TUT4: variants seen among roughly 807,000 people sequenced by gnomAD.
TUT4 encodes the protein terminal uridylyl transferase 4, also known as terminal uridylyltransferase 4.
Under a neutral mutation model 192.2 loss-of-function variants are expected in TUT4, and 36 were observed. The observed-to-expected ratio is 0.19, with a 90% CI of 0.14 to 0.25. The LOEUF (loss-of-function observed/expected upper bound fraction) is 0.25, where lower values mean the gene tolerates loss of function less well. Among genes scored for constraint, TUT4 ranks in the 10% least tolerant of loss-of-function variants. The probability of loss-of-function intolerance (pLI) is 1.00; values close to 1 mark genes in which losing one functional copy is unlikely to be tolerated. For synonymous variants in TUT4, 618 were observed against 666.0 expected (o/e 0.93, Z 1.11); for missense variants, 1,493 against 1,957.2 (o/e 0.76, Z 4.47).
intron 22 of TUT4, 122 bp downstream of exon 22, chr1:52,446,143 T>G: frequency 7.6e-7 from 1 of 1,321,398 alleles, no homozygotes. Flanking sequence ...AAATTACACA[T>G]TAAAGGAGGA....
At chr1:52,437,160 G>T in intron 25 of TUT4, 182 bp from the exon 26 acceptor site, 1 of 703,440 alleles carries the variant, frequency 1.4e-6, no homozygotes, top group Non-Finnish European at 2.2e-6. Flanking sequence ...TTTTCCAGTA[G>T]TTTTGTAAAA....
rs1481961088 is a variant in TUT4, at chr1:52,525,007, T to C, written c.718+556A>G. Reference sequence around the variant, plus strand: ...GTCTCACAATTTATATCACCTATTTTGTCTGCCCAAAGTCTAAATCTCACT... The same window carrying C: ...GTCTCACAATTTATATCACCTATTTCGTCTGCCCAAAGTCTAAATCTCACT... On this transcript the variant is annotated intron_variant, in intron 2 of 29. Transcript: ENST00000257177. 2.0e-5 allele frequency among the ~76,000 whole-genome samples: 3 copies of C among 152,214 alleles called. No homozygotes were observed. The East Asian group carries it at 5.8e-4, about 29-fold the overall frequency.
intron 1 of TUT4, among the ~76,000 whole-genome samples, chr1:52,551,582 A>G (rs1165333133): frequency 6.6e-6 from 1 of 152,260 alleles, no homozygotes; most frequent in Non-Finnish European, 1.5e-5. Flanking sequence ...TTTTTAAGAG[A>G]ATCAATATTT....
At chr1:52,528,721 A>AT (rs1682537060) in intron 1 of TUT4, among the ~76,000 whole-genome samples, 1 of 152,128 alleles carries the variant, frequency 6.6e-6, no homozygotes, top group African/African-American at 2.4e-5. Context: ...TCTCTATCAT[A>AT]TAACTTTACA....
At chr1:52,465,995 C>T (rs1396573584) in intron 15 of TUT4, among the ~76,000 whole-genome samples, 1 of 152,146 alleles carries the variant, frequency 6.6e-6, no homozygotes, top group Non-Finnish European at 1.5e-5. Context: ...ATACTCCCAC[C>T]TCAACCTCCC....
chr1:52,532,987 T>C (rs1683907519), intron 1 of TUT4, among the ~76,000 whole-genome samples: 2 of 152,182 alleles, frequency 1.3e-5, no homozygotes, highest in African/African-American at 4.8e-5. Context: ...CATGTTCTAA[T>C]CCAGACCAGT....
rs1655496644 is a variant in TUT4 at position 52,441,405 on chromosome 1, A to G, written c.3823-3070T>C. 2.0e-5 allele frequency among the ~76,000 whole-genome samples: 3 copies of G among 149,264 alleles called. No homozygotes were observed. In the Admixed American group the frequency reaches 2.0e-4, roughly 10 times the overall value. ...TTCAAGCGATTCTCCTGCCTCAGCC[A>G]AGCTGGGACTACAGGCGTGCACCAC... On this transcript the variant is annotated intron_variant, in intron 24 of 29. Transcript: ENST00000257177.
At chr1:52,455,671 G>C (rs577778831) in intron 20 of TUT4, among the ~76,000 whole-genome samples, 49 of 134,972 alleles carry the variant, frequency 3.6e-4, no homozygotes, top group African/African-American at 1.2e-3. Context: ...GGGAGGGGGG[G>C]AGAGGGAAGG....
intron 4 of TUT4, among the ~76,000 whole-genome samples, chr1:52,506,505 T>A (rs1440319091): frequency 1.3e-5 from 2 of 152,170 alleles, no homozygotes; most frequent in Admixed American, 1.3e-4. Context: ...TTTGTTTAAT[T>A]TTTTCTTTCT....
chr1:52,539,369 G>T (rs1020510509), intron 1 of TUT4, among the ~76,000 whole-genome samples: 1 of 149,520 alleles, frequency 6.7e-6, no homozygotes, highest in Non-Finnish European at 1.5e-5. Context: ...ATAAAGGGGT[G>T]ACCTACAGAT....
intron 24 of TUT4, among the ~76,000 whole-genome samples, chr1:52,440,028 ACATAT>A (rs1230611125): frequency 1.3e-5 from 2 of 152,246 alleles, no homozygotes; most frequent in Admixed American, 6.5e-5. Context: ...TCAAAATGTT[ACATAT>A]CATATGATTT....
intron 24 of TUT4, among the ~76,000 whole-genome samples, chr1:52,440,046 C>T (rs1300342217): frequency 6.6e-6 from 1 of 152,068 alleles, no homozygotes; most frequent in East Asian, 1.9e-4. Flanking sequence ...TATGATTTCA[C>T]TTATATGAAA....
intron 11 of TUT4, among the ~76,000 whole-genome samples, chr1:52,481,203 G>C (rs1668405281): frequency 1.3e-5 from 2 of 152,112 alleles, no homozygotes; most frequent in South Asian, 4.1e-4. Context: ...ATCTTGACAT[G>C]ATTCAAACAA....
At chr1:52,449,329 C>T (rs1207404814) in intron 20 of TUT4, among the ~76,000 whole-genome samples, 4 of 152,190 alleles carry the variant, frequency 2.6e-5, no homozygotes, top group Non-Finnish European at 5.9e-5. Flanking sequence ...GACAGAGTCT[C>T]GCTCTGTCAC....
chr1:52,424,477 C>T (rs1415915149), intron 29 of TUT4: 1 of 155,212 alleles, frequency 6.4e-6, no homozygotes, highest in East Asian at 1.9e-4. Context: ...ATCAGCATTT[C>T]CTGAGTGCCT....
rs1681563800 is a variant in TUT4, at chr1:52,525,660, T to C, written c.621A>G (p.Gln207=). The C allele has an allele frequency of 3.7e-6, 6 of 1,614,198 alleles. No individual in the cohort carries two copies. In the East Asian group the frequency reaches 6.7e-5, roughly 18 times the overall value. The change falls in exon 2 of 30, where the codon CAA becomes CAG. Residue 207 remains glutamine (Q), a synonymous_variant. Coordinates refer to ENST00000257177, the MANE Select transcript of TUT4 (RefSeq NM_001009881.3). ...EAVGGEKCAL[Q]NSPRSQKQQT... is the part of the protein sequence containing the mutation. The stretch of plus-strand genomic sequence containing the variant: ...GTTGCTTCTGAGATCGTGGTGAGTT[T>C]TGCAGAGCACATTTTTCTCCCCCTA...
chr1:52,438,282 A>G lies in TUT4; in HGVS notation c.3876T>C (p.Asp1292=). Reference sequence around the variant, plus strand: ...TTTTTCCACACACACGGCAACATCTATCATTGGGAGCCAGTTCTCCATCTG... The same window carrying G: ...TTTTTCCACACACACGGCAACATCTGTCATTGGGAGCCAGTTCTCCATCTG... The part of the protein sequence containing the change: ...VLTDGELAPN[D]RCCRVCGKIG... The change falls in exon 25 of 30, where the codon GAT becomes GAC. Residue 1292 remains aspartate, a synonymous_variant. Coordinates refer to ENST00000257177, the MANE Select transcript of TUT4 (RefSeq NM_001009881.3). 2 of 1,613,960 alleles carry G rather than the reference A, an allele frequency of 1.2e-6. No homozygotes were observed. The highest frequency in any genetic ancestry group is 1.7e-6 in the Non-Finnish European group (2 of 1,179,940).
At chr1:52,478,498 T>C (rs1667661146) in intron 11 of TUT4, among the ~76,000 whole-genome samples, 1 of 152,194 alleles carries the variant, frequency 6.6e-6, no homozygotes, top group South Asian at 2.1e-4. Context: ...GCGGCACATA[T>C]ATTAACAATT....
At chr1:52,486,702 A>G (rs1669877113) in intron 9 of TUT4, among the ~76,000 whole-genome samples, 1 of 152,232 alleles carries the variant, frequency 6.6e-6, no homozygotes, top group Non-Finnish European at 1.5e-5. Context: ...TGTTGGAAAC[A>G]GAAAGAAACC....
Sources: allele counts gnomAD v4.1 joint callset (sites outside exome capture counted in the v4.1 genomes callset), GRCh38; gene constraint gnomAD v4.1.1; transcripts MANE v1.5; gene names NCBI Gene and HGNC (gene_info 2026-07-23, HGNC 2026-07-21).